Variants in RPAP2 observed in about 807,000 individuals in gnomAD.
The protein encoded by RPAP2 is RNA polymerase II associated protein 2.
In RPAP2, 52 loss-of-function variants were observed where a neutral mutation model predicts 73.1. The observed-to-expected ratio is 0.71, with a 90% CI of 0.57 to 0.90. The LOEUF (loss-of-function observed/expected upper bound fraction) is 0.90. Ranked by LOEUF, RPAP2 falls within the 40% of genes least tolerant of loss-of-function variation. The pLI is 0.00. For synonymous variants in RPAP2, 225 were observed against 242.1 expected (o/e 0.93, Z 0.65); for missense variants, 598 against 701.8 (o/e 0.85, Z 1.67).
chr1:92,326,513 C>T (rs192591910), intron 8 of RPAP2, among the ~76,000 whole-genome samples: 22 of 152,200 alleles, frequency 1.4e-4, no homozygotes, highest in Admixed American at 7.2e-4. Flanking sequence ...TGGGTAGGGC[C>T]GTAGAACTCC....
At chr1:92,346,055 G>T (rs928209032) in intron 11 of RPAP2, 141 bp downstream of exon 11, 9 of 525,426 alleles carry the variant, frequency 1.7e-5, no homozygotes, top group Admixed American at 3.6e-5. Flanking sequence ...CCTTTCCTAT[G>T]TAAGAAAACA....
intron 3 of RPAP2, among the ~76,000 whole-genome samples, chr1:92,302,152 C>G (rs1347674050): frequency 6.6e-6 from 1 of 152,052 alleles, no homozygotes; most frequent in Non-Finnish European, 1.5e-5. Context: ...TGGCTCATGC[C>G]TGTAATCCCA....
rs1656001703 is a variant in RPAP2 at position 92,390,255 on chromosome 1, A to G, written c.*3244A>G. 1.3e-5 allele frequency: 2 copies of G among 152,348 alleles called. No homozygotes were observed. The highest frequency in any genetic ancestry group is 3.9e-4 in the East Asian group (2 of 5,188). The allele number at this position is 152,348 out of a possible 1,614,324, so 9.4% of individuals were successfully genotyped here. On this transcript the variant is annotated 3_prime_UTR_variant, in exon 13 of 13. Transcript: ENST00000610020. ...GGGCCAATATTCAACATTCTTAAAGAAAAGAATTTTCAACCCAGAATCTCA... is the reference window on the plus strand; with the variant it reads ...GGGCCAATATTCAACATTCTTAAAGGAAAGAATTTTCAACCCAGAATCTCA...
intron 11 of RPAP2, among the ~76,000 whole-genome samples, chr1:92,349,283 G>A (rs1654078132): frequency 6.6e-6 from 1 of 152,168 alleles, no homozygotes; most frequent in South Asian, 2.1e-4. Flanking sequence ...AATATGTTCA[G>A]TAGAACTGTT....
At chr1:92,305,738 ATAT>A (rs1188066896) in intron 5 of RPAP2, among the ~76,000 whole-genome samples, 3 of 152,320 alleles carry the variant, frequency 2.0e-5, no homozygotes, top group East Asian at 3.9e-4. Flanking sequence ...AAGATGCTAA[ATAT>A]TATCAGTAAT....
In RPAP2 at chr1:92,313,239, A is replaced by C. The variant is rs568999631; in HGVS notation, c.488+5963A>C. Reference sequence around the variant, plus strand: ...ATTTCTATTTACTTTGCCCAAATCCATCAGAGGAATCACTCTATGGCAACT... The same window carrying C: ...ATTTCTATTTACTTTGCCCAAATCCCTCAGAGGAATCACTCTATGGCAACT... On this transcript the variant is annotated intron_variant, in intron 6 of 12. Coordinates refer to ENST00000610020, the MANE Select transcript of RPAP2 (RefSeq NM_024813.3). 1.6e-4 allele frequency among the ~76,000 whole-genome samples: 25 copies of C among 152,314 alleles called. No individual in the cohort carries two copies. The South Asian group carries it at 5.0e-3, about 30-fold the overall frequency.
chr1:92,384,115 G>A (rs1177628741), intron 12 of RPAP2, among the ~76,000 whole-genome samples: 5 of 151,240 alleles, frequency 3.3e-5, no homozygotes, highest in South Asian at 2.1e-4. Flanking sequence ...GCACCACCAC[G>A]CCCAGCTAAT....
chr1:92,347,544 C>T (rs1349563253), intron 11 of RPAP2, among the ~76,000 whole-genome samples: 1 of 152,202 alleles, frequency 6.6e-6, no homozygotes, highest in Non-Finnish European at 1.5e-5. Flanking sequence ...TTACTGAAGA[C>T]ACATTAAGTC....
chr1:92,360,412 C>T (rs1037466349), intron 11 of RPAP2, among the ~76,000 whole-genome samples: 3 of 152,150 alleles, frequency 2.0e-5, no homozygotes, highest in African/African-American at 7.2e-5. Context: ...CAAATGCCGA[C>T]TACTCTTTTC....
chr1:92,309,612 C>G (rs1015682390), intron 6 of RPAP2, among the ~76,000 whole-genome samples: 1 of 147,064 alleles, frequency 6.8e-6, no homozygotes, highest in Non-Finnish European at 1.5e-5. Flanking sequence ...TACACATACA[C>G]ATACACATAC....
chr1:92,383,026 A>T (rs1370848944), intron 12 of RPAP2, among the ~76,000 whole-genome samples: 4 of 152,210 alleles, frequency 2.6e-5, no homozygotes, highest in Non-Finnish European at 5.9e-5. Flanking sequence ...TAAATAGGGA[A>T]TTCTTTCCCC....
intron 11 of RPAP2, among the ~76,000 whole-genome samples, chr1:92,351,861 C>G (rs1234851481): frequency 6.6e-6 from 1 of 151,956 alleles, no homozygotes; most frequent in East Asian, 1.9e-4. Context: ...AATATAAAAG[C>G]TTTGTAAATA....
chr1:92,329,711 T>C (rs1652849175), intron 8 of RPAP2, among the ~76,000 whole-genome samples: 1 of 152,234 alleles, frequency 6.6e-6, no homozygotes, highest in Non-Finnish European at 1.5e-5. Context: ...ATTTTTAATA[T>C]TAAACCAACT....
intron 6 of RPAP2, among the ~76,000 whole-genome samples, chr1:92,311,159 A>C (rs1351162267): frequency 6.6e-6 from 1 of 152,156 alleles, no homozygotes; most frequent in Non-Finnish European, 1.5e-5. Flanking sequence ...TGTTGGATTT[A>C]GCTCACGTTT....
At position 92,323,977 on chromosome 1, in the gene RPAP2, A is replaced by G. The variant is rs1652471262; in HGVS notation, c.1057A>G (p.Ser353Gly). ...KSNQVSRSVS[S>G]SVQVCPEVGK... ...AAACCAAGTGTCTAGGTCAGTGTCT[A>G]GTTCAGTGCAGGTGTGTCCTGAAGT... Residue 353 changes from serine (S) to glycine (G), a missense_variant, in exon 8 of 13, where the codon AGT becomes GGT. Ser to Gly is a moderately conservative substitution (Grantham distance 56). This residue lies in a region of RPAP2 where 506 missense variants were observed against 612.8 expected (regional missense o/e 0.83). Transcript: ENST00000610020. 1 of 1,614,062 alleles carries G rather than the reference A, an allele frequency of 6.2e-7. No homozygotes were observed. Among genetic ancestry groups the G allele is most frequent in the Non-Finnish European group, 8.5e-7 (1 of 1,180,006 alleles).
chr1:92,332,923 G>A (rs1571075700), intron 8 of RPAP2, among the ~76,000 whole-genome samples: 1 of 152,064 alleles, frequency 6.6e-6, no homozygotes, highest in Admixed American at 6.6e-5. Context: ...AACAAATGTG[G>A]ATTGTTTTCC....
At chr1:92,359,070 T>C (rs1449364300) in intron 11 of RPAP2, among the ~76,000 whole-genome samples, 2 of 152,224 alleles carry the variant, frequency 1.3e-5, no homozygotes, top group East Asian at 1.9e-4. Context: ...TTTTATGGAA[T>C]TGATTTTCTC....
chr1:92,301,969 A>AT (rs1650886760), intron 3 of RPAP2, among the ~76,000 whole-genome samples: 1 of 152,222 alleles, frequency 6.6e-6, no homozygotes, highest in Non-Finnish European at 1.5e-5. Flanking sequence ...CCACAAATAT[A>AT]TACAATTATT....
At chr1:92,338,411 G>A (rs1242446725) in intron 10 of RPAP2, among the ~76,000 whole-genome samples, 3 of 152,170 alleles carry the variant, frequency 2.0e-5, no homozygotes, top group East Asian at 3.8e-4. Flanking sequence ...TAGTAATGAC[G>A]AGAGACATTT....
Sources: allele counts gnomAD v4.1 joint callset (sites outside exome capture counted in the v4.1 genomes callset), GRCh38; gene constraint gnomAD v4.1.1; regional missense constraint gnomAD v4.1.1; transcripts MANE v1.5; gene names NCBI Gene and HGNC (gene_info 2026-07-23, HGNC 2026-07-21).